ERCC6L2: variants seen among roughly 807,000 people sequenced by gnomAD.
ERCC6L2 encodes the protein DNA excision repair protein ERCC-6-like 2.
ERCC6L2 carries 77 observed loss-of-function variants against 132.0 expected under a neutral mutation model. The ratio of observed to expected loss-of-function variants is 0.58; its 90% confidence interval spans 0.49 to 0.71. The LOEUF is 0.71. Among genes scored for constraint, ERCC6L2 ranks in the 30% least tolerant of loss-of-function variants. ERCC6L2 has a pLI of 0.00. For synonymous variants in ERCC6L2, 583 were observed against 632.4 expected, an observed-to-expected ratio of 0.92 and a Z score of 1.17; for missense variants, 1,542 against 1,837.6, an observed-to-expected ratio of 0.84 and a Z score of 2.94.
At position 95,938,176 on chromosome 9, in the gene ERCC6L2, G is replaced by A. The variant is rs533619251; in HGVS notation, c.1752-3278G>A. ...GTATTGCTAGTTTGACTCCATTATCGTTAGAGAACATACTCAGTATAATAC... is the reference window on the plus strand; with the variant it reads ...GTATTGCTAGTTTGACTCCATTATCATTAGAGAACATACTCAGTATAATAC... On this transcript the variant is annotated intron_variant, in intron 11 of 18. Transcript: ENST00000653738. Among the ~76,000 whole-genome samples the A allele has an allele frequency of 1.1e-4, 16 of 151,422 alleles. 1 individual carries two copies. The East Asian group carries it at 1.4e-3, about 13-fold the overall frequency.
At chr9:95,974,605 A>G (rs145859890) in intron 16 of ERCC6L2, among the ~76,000 whole-genome samples, 1 of 152,270 alleles carries the variant, frequency 6.6e-6, no homozygotes, top group East Asian at 1.9e-4. Context: ...CATTATTCCA[A>G]GAAGTCTTGG....
At chr9:95,938,712 A>G (rs921070053) in intron 11 of ERCC6L2, among the ~76,000 whole-genome samples, 1 of 151,954 alleles carries the variant, frequency 6.6e-6, no homozygotes, top group Non-Finnish European at 1.5e-5. Flanking sequence ...CTGTGTCATC[A>G]TATTTAAAGT....
chr9:96,004,446 T>TA, intron 17 of ERCC6L2, 74 bp from the exon 18 acceptor site: 1 of 817,904 alleles, frequency 1.2e-6, no homozygotes, highest in Non-Finnish European at 1.8e-6. Flanking sequence ...TGAGAAAAAG[T>TA]AAGACATTCT....
intron 13 of ERCC6L2, among the ~76,000 whole-genome samples, chr9:95,960,391 G>T (rs191489136): frequency 4.6e-5 from 7 of 152,232 alleles, no homozygotes; most frequent in African/African-American, 7.2e-5. Flanking sequence ...ATTGTAAATG[G>T]TACTTTATAT....
intron 3 of ERCC6L2, among the ~76,000 whole-genome samples, chr9:95,900,942 C>T (rs994846272): frequency 1.3e-5 from 2 of 151,962 alleles, no homozygotes; most frequent in Non-Finnish European, 2.9e-5. Context: ...GGTGTGGTGG[C>T]TTGTGCCTGT....
chr9:95,932,224 C>T (rs983073973), intron 11 of ERCC6L2, among the ~76,000 whole-genome samples: 1 of 152,060 alleles, frequency 6.6e-6, no homozygotes, highest in Non-Finnish European at 1.5e-5. Flanking sequence ...TGCCACCCCA[C>T]CCAGCTAATT....
chr9:95,876,780 T>G (rs1420237753), intron 1 of ERCC6L2: 1 of 152,198 alleles, frequency 6.6e-6, no homozygotes, highest in Non-Finnish European at 1.5e-5. Flanking sequence ...TCGATCTCAT[T>G]AAATAGATGA....
At chr9:95,884,256 T>G (rs1827746138) in intron 2 of ERCC6L2, among the ~76,000 whole-genome samples, 1 of 152,188 alleles carries the variant, frequency 6.6e-6, no homozygotes, top group Non-Finnish European at 1.5e-5. Context: ...GTTCTCTGGT[T>G]ACTGTTGTTG....
intron 4 of ERCC6L2, 23 bp from the exon 5 acceptor site, chr9:95,915,645 C>T (rs1489045562): frequency 2.5e-6 from 4 of 1,585,922 alleles, no homozygotes; most frequent in Non-Finnish European, 3.4e-6. Context: ...TCAACCTCAC[C>T]CTTCTTTTTT....
At chr9:95,975,860 C>G (rs1401622714) in intron 16 of ERCC6L2, among the ~76,000 whole-genome samples, 1 of 151,708 alleles carries the variant, frequency 6.6e-6, no homozygotes, top group Non-Finnish European at 1.5e-5. Context: ...CTAGTTTAGT[C>G]TTCATTTTTG....
At position 95,972,734 on chromosome 9, in the gene ERCC6L2, A is replaced by G. The variant is rs1161447075; in HGVS notation, c.2983A>G (p.Arg995Gly). Reference sequence around the variant, plus strand: ...TGAAATTTCTTCCAAGTCAAGAGTAAGAAAGAGAGCTAGTTCATTGAGGTT... The same window carrying G: ...TGAAATTTCTTCCAAGTCAAGAGTAGGAAAGAGAGCTAGTTCATTGAGGTT... ...DIEISSKSRVRKRASSLRFKR... is the reference protein window; with the variant it reads ...DIEISSKSRVGKRASSLRFKR... Residue 995 changes from arginine to glycine, a missense_variant, in exon 16 of 19, where the codon AGA becomes GGA. Around this residue, in one of 4 missense-constraint regions of ERCC6L2, gnomAD observed 945 missense variants for 1,105.2 expected, o/e 0.86. Transcript: ENST00000653738. 5 of 1,303,032 alleles carry G rather than the reference A, an allele frequency of 3.8e-6. No individual in the cohort carries two copies. In the African/African-American group the frequency reaches 6.1e-5, roughly 16 times the overall value. The allele number at this position is 1,303,032 out of a possible 1,614,324, so 80.7% of individuals were successfully genotyped here. A position where few individuals can be genotyped will look rare whatever the true frequency, so the allele number is the denominator to read the frequency against.
intron 16 of ERCC6L2, among the ~76,000 whole-genome samples, chr9:95,974,130 A>C (rs1400638766): frequency 1.3e-5 from 2 of 152,144 alleles, no homozygotes; most frequent in East Asian, 3.9e-4. Flanking sequence ...CTTAATACCT[A>C]TACTTATTTA....
intron 17 of ERCC6L2, among the ~76,000 whole-genome samples, chr9:95,989,657 T>C (rs1313046016): frequency 6.6e-6 from 1 of 152,048 alleles, no homozygotes; most frequent in African/African-American, 2.4e-5. Context: ...CAGGGGGCCC[T>C]ACCTGTTCAA....
chr9:95,915,045 T>A (rs1021008271), intron 4 of ERCC6L2, among the ~76,000 whole-genome samples: 1 of 152,222 alleles, frequency 6.6e-6, no homozygotes, highest in African/African-American at 2.4e-5. Flanking sequence ...TGCTCAAATA[T>A]TCCAATTAGG....
At position 95,928,622 on chromosome 9, in the gene ERCC6L2, C is replaced by T. The variant is rs1587922881; in HGVS notation, c.1606-97C>T. 7.6e-6 allele frequency: 8 copies of T among 1,058,628 alleles called. No individual in the cohort carries two copies. The East Asian group carries it at 1.9e-4, about 25-fold the overall frequency. 65.6% of individuals were successfully genotyped at this position (1,058,628 alleles called of 1,614,324 possible). A position where few individuals can be genotyped will look rare whatever the true frequency, so the allele number is the denominator to read the frequency against. ...GGAATTATAAGAAAGAAATTATGAA[C>T]ACCAATAATTAATACTTAACAAGTC... On this transcript the variant is annotated intron_variant, in intron 10 of 18. Transcript: ENST00000653738.
chr9:95,955,039 G>C (rs544601275), intron 12 of ERCC6L2: 3 of 372,304 alleles, frequency 8.1e-6, no homozygotes, highest in South Asian at 6.0e-5. Context: ...CCTTGCCCCG[G>C]TTCCCCTCAG....
chr9:95,906,134 A>C (rs996819056), intron 3 of ERCC6L2, among the ~76,000 whole-genome samples: 1 of 152,188 alleles, frequency 6.6e-6, no homozygotes, highest in Non-Finnish European at 1.5e-5. Context: ...TTATTAGGGC[A>C]CAAGTCCCAT....
At chr9:95,915,901 T>G in intron 5 of ERCC6L2, 72 bp downstream of exon 5, 1 of 1,405,544 alleles carries the variant, frequency 7.1e-7, no homozygotes, top group Non-Finnish European at 9.6e-7. Context: ...TGCTAATCAT[T>G]AGTTTCCAAA....
intron 9 of ERCC6L2, among the ~76,000 whole-genome samples, chr9:95,926,415 G>A (rs776406920): frequency 1.3e-5 from 2 of 152,052 alleles, no homozygotes; most frequent in Non-Finnish European, 2.9e-5. Flanking sequence ...AAAAGCTGTG[G>A]TACAGCCATA....
Sources: gnomAD v4.1 joint callset for allele counts (sites outside exome capture counted in the v4.1 genomes callset) on GRCh38, gnomAD v4.1.1 for gene constraint, gnomAD v4.1.1 regional missense constraint, MANE v1.5 for transcripts, NCBI Gene and HGNC (gene_info 2026-07-23, HGNC 2026-07-21) for gene names.